RARB: variants seen among roughly 807,000 people sequenced by gnomAD.
RARB encodes HBV-activated protein.
Under a neutral mutation model 51.9 loss-of-function variants are expected in RARB, and 17 were observed. The observed-to-expected ratio is 0.33, with a 90% CI of 0.22 to 0.49. The LOEUF (loss-of-function observed/expected upper bound fraction) is 0.49. Among genes scored for constraint, RARB ranks in the 20% least tolerant of loss-of-function variants. The pLI is 0.99. For synonymous variants in RARB, 215 were observed against 195.4 expected (o/e 1.10, Z -0.84); for missense variants, 369 against 550.8 (o/e 0.67, Z 3.30).
At chr3:25,041,844 A>T (rs1698120566) in intron 2 of RARB, among the ~76,000 whole-genome samples, 1 of 151,786 alleles carries the variant, frequency 6.6e-6, no homozygotes, top group South Asian at 2.1e-4. Context: ...GAATTTTATT[A>T]ATTCAGAATT....
At chr3:25,094,716 CAAA>C (rs57477720) in intron 3 of RARB, among the ~76,000 whole-genome samples, 12 of 43,102 alleles carry the variant, frequency 2.8e-4, no homozygotes, top group East Asian at 8.9e-4. Flanking sequence ...GACCCCATCT[CAAA>C]AAAAAAAAAA....
intron 2 of RARB, among the ~76,000 whole-genome samples, chr3:24,921,197 C>G (rs544991974): frequency 4.8e-4 from 73 of 152,194 alleles, no homozygotes; most frequent in African/African-American, 1.6e-3. Flanking sequence ...TTTCTGACTT[C>G]TTCTTTAAAT....
intron 3 of RARB, among the ~76,000 whole-genome samples, chr3:25,549,536 T>C (rs1372216752): frequency 6.6e-6 from 1 of 152,110 alleles, no homozygotes; most frequent in African/African-American, 2.4e-5. Context: ...TGTCCTCCCT[T>C]TTAAGGTGTT....
intron 3 of RARB, among the ~76,000 whole-genome samples, chr3:25,526,242 G>A (rs190861073): frequency 1.2e-4 from 18 of 152,226 alleles, no homozygotes; most frequent in African/African-American, 4.3e-4. Context: ...TGCTGGGGCT[G>A]GAATATAGTA....
intron 5 of RARB, among the ~76,000 whole-genome samples, chr3:25,203,112 G>T (rs1429524236): frequency 1.3e-5 from 2 of 152,100 alleles, no homozygotes; most frequent in East Asian, 1.9e-4. Context: ...GAATCTAGGT[G>T]CTCCTGTATT....
At chr3:25,429,500 C>T (rs1708115770) in intron 1 of RARB, among the ~76,000 whole-genome samples, 1 of 152,188 alleles carries the variant, frequency 6.6e-6, no homozygotes, top group Non-Finnish European at 1.5e-5. Flanking sequence ...CTGCTGCCAC[C>T]TTTCCAAGTC....
intron 5 of RARB, among the ~76,000 whole-genome samples, chr3:25,282,262 C>A (rs186536321): frequency 6.6e-6 from 1 of 152,202 alleles, no homozygotes; most frequent in African/African-American, 2.4e-5. Context: ...TCAAATTCCC[C>A]AGTCACACTC....
At chr3:25,328,977 G>C (rs986106823) in intron 5 of RARB, among the ~76,000 whole-genome samples, 1 of 152,180 alleles carries the variant, frequency 6.6e-6, no homozygotes, top group African/African-American at 2.4e-5. Flanking sequence ...GGCTAGGGGA[G>C]GGGCGTCCAC....
chr3:24,902,634 G>T (rs948121524), intron 2 of RARB, among the ~76,000 whole-genome samples: 1 of 152,158 alleles, frequency 6.6e-6, no homozygotes, highest in African/African-American at 2.4e-5. Context: ...TTTATCTCCT[G>T]ACATGTCAAA....
At chr3:24,890,812 A>G (rs565586634) in intron 2 of RARB, among the ~76,000 whole-genome samples, 74 of 152,204 alleles carry the variant, frequency 4.9e-4, no homozygotes, top group Admixed American at 1.5e-3. Context: ...TGCCTCGGCA[A>G]TATTGCATGA....
At chr3:24,878,497 G>A (rs1004366251) in intron 2 of RARB, among the ~76,000 whole-genome samples, 1 of 152,124 alleles carries the variant, frequency 6.6e-6, no homozygotes, top group African/African-American at 2.4e-5. Flanking sequence ...TGAAAAGGTA[G>A]ATGGGGCATA....
At chr3:25,207,296 C>A (rs1323157145) in intron 5 of RARB, among the ~76,000 whole-genome samples, 1 of 152,164 alleles carries the variant, frequency 6.6e-6, no homozygotes, top group Non-Finnish European at 1.5e-5. Context: ...CCCATCTACC[C>A]ATTTCAGATC....
chr3:25,103,191 G>A (rs1431171620), intron 3 of RARB, among the ~76,000 whole-genome samples: 1 of 152,110 alleles, frequency 6.6e-6, no homozygotes, highest in Non-Finnish European at 1.5e-5. Flanking sequence ...TCTTTGGGTG[G>A]GAGAAGCATT....
rs1326480236 is a variant in RARB at position 25,596,344 on chromosome 3, TGAAA to T, written c.1151-75_1151-72del. On this transcript the variant is annotated intron_variant, in intron 7 of 7. Transcript: ENST00000330688. ...TAGGAAACACCTCTGTTAAAATATA[TGAAA>T]ATTGGTCCCTGGTTATCTGTCATAG... 1.8e-4 allele frequency: 207 copies of T among 1,173,820 alleles called. 1 individual carries two copies. The African/African-American group carries it at 2.6e-3, about 15-fold the overall frequency. 72.7% of individuals were successfully genotyped at this position (1,173,820 alleles called of 1,614,324 possible). A position where few individuals can be genotyped will look rare whatever the true frequency, so the allele number is the denominator to read the frequency against.
At chr3:24,989,008 TAG>T (rs1361286112) in intron 2 of RARB, among the ~76,000 whole-genome samples, 1 of 152,154 alleles carries the variant, frequency 6.6e-6, no homozygotes, top group Non-Finnish European at 1.5e-5. Context: ...GTATTTTTAT[TAG>T]AGACAGGGTT....
chr3:25,480,641 A>G (rs1696180854), intron 2 of RARB, among the ~76,000 whole-genome samples: 1 of 152,200 alleles, frequency 6.6e-6, no homozygotes, highest in South Asian at 2.1e-4. Flanking sequence ...AAGATACCTG[A>G]TCATTTTCTT....
chr3:25,081,033 T>A (rs62228547), intron 3 of RARB, among the ~76,000 whole-genome samples: 6,215 of 152,242 alleles, frequency 0.041, 164 homozygotes, highest in Middle Eastern at 0.075. Flanking sequence ...CTTCTATGCA[T>A]ACTGTGGGTT....
At chr3:25,275,382 G>A (rs1449195971) in intron 5 of RARB, among the ~76,000 whole-genome samples, 1 of 152,138 alleles carries the variant, frequency 6.6e-6, no homozygotes, top group Non-Finnish European at 1.5e-5. Context: ...GATCGAGTGA[G>A]CCTGGGAGGT....
chr3:24,969,925 C>T (rs1175730260), intron 2 of RARB, among the ~76,000 whole-genome samples: 2 of 152,074 alleles, frequency 1.3e-5, no homozygotes, highest in Non-Finnish European at 2.9e-5. Context: ...ATGCTCAGAG[C>T]TGTCAGTTTA....
Sources: gnomAD v4.1 joint callset for allele counts (sites outside exome capture counted in the v4.1 genomes callset) on GRCh38, gnomAD v4.1.1 for gene constraint, MANE v1.5 for transcripts, NCBI Gene and HGNC (gene_info 2026-07-23, HGNC 2026-07-21) for gene names.